The following ARL6IP5 variants were observed in gnomAD, a reference collection of about 807,000 sequenced individuals.
ARL6IP5 encodes the protein ARF like GTPase 6 interacting protein 5.
In ARL6IP5, 6 loss-of-function variants were observed where a neutral mutation model predicts 13.0. That is an observed-to-expected ratio of 0.46 (90% CI 0.25 to 0.91). The LOEUF (loss-of-function observed/expected upper bound fraction) is 0.91, where lower values mean the gene tolerates loss of function less well. Ranked by LOEUF, ARL6IP5 falls within the 40% of genes least tolerant of loss-of-function variation. ARL6IP5 has a pLI of 0.17. For synonymous variants in ARL6IP5, 91 were observed against 91.9 expected (o/e 0.99, Z 0.06); for missense variants, 208 against 248.8 (o/e 0.84, Z 1.10).
chr3:69,100,724 T>C (rs541227761), intron 1 of ARL6IP5, among the ~76,000 whole-genome samples: 1 of 150,378 alleles, frequency 6.6e-6, no homozygotes, highest in Non-Finnish European at 1.5e-5. Context: ...GAGGTTGCAG[T>C]GAGCCAAGAT....
intron 1 of ARL6IP5, among the ~76,000 whole-genome samples, chr3:69,086,291 T>C (rs1232505706): frequency 6.6e-6 from 1 of 152,250 alleles, no homozygotes; most frequent in Non-Finnish European, 1.5e-5. Context: ...TCTCTGTGCC[T>C]GGCCCCATGC....
At chr3:69,102,569 A>G (rs78227829) in intron 2 of ARL6IP5, among the ~76,000 whole-genome samples, 1 of 152,306 alleles carries the variant, frequency 6.6e-6, no homozygotes, top group African/African-American at 2.4e-5. Flanking sequence ...TGTGTGCCAT[A>G]CATTCTTATG....
chr3:69,096,481 T>G (rs11128111), intron 1 of ARL6IP5, among the ~76,000 whole-genome samples: 11 of 151,940 alleles, frequency 7.2e-5, no homozygotes, highest in African/African-American at 2.7e-4. Flanking sequence ...TAGGAGCCCT[T>G]TGATGCTTTG....
chr3:69,091,968 T>A (rs938780640), intron 1 of ARL6IP5, among the ~76,000 whole-genome samples: 1 of 152,148 alleles, frequency 6.6e-6, no homozygotes, highest in Non-Finnish European at 1.5e-5. Flanking sequence ...ATTCTATCCT[T>A]ATCACTCAGC....
intron 1 of ARL6IP5, among the ~76,000 whole-genome samples, chr3:69,098,221 T>C (rs1399628069): frequency 2.1e-5 from 3 of 144,096 alleles, no homozygotes; most frequent in Non-Finnish European, 4.5e-5. Flanking sequence ...GGACTACAGG[T>C]GCCTGCCACC....
Position 69,084,947 on chromosome 3 carries a change from C to T in ARL6IP5, c.-101C>T, listed in dbSNP as rs1435286653. ...TGCTGTCTGCCAACCGCAAAGCCGACCGAGACGGAGCCGCTGTCAACTCTC... is the reference window on the plus strand; with the variant it reads ...TGCTGTCTGCCAACCGCAAAGCCGATCGAGACGGAGCCGCTGTCAACTCTC... On this transcript the variant is annotated 5_prime_UTR_variant, in exon 1 of 3. Coordinates refer to ENST00000273258, the MANE Select transcript of ARL6IP5 (RefSeq NM_006407.4). 7 of 1,463,386 alleles carry T rather than the reference C, an allele frequency of 4.8e-6. No homozygotes were observed. The highest frequency in any genetic ancestry group is 6.4e-6 in the Non-Finnish European group (7 of 1,089,786). 90.7% of individuals were successfully genotyped at this position (1,463,386 alleles called of 1,614,324 possible). A position where few individuals can be genotyped will look rare whatever the true frequency, so the allele number is the denominator to read the frequency against.
chr3:69,092,954 G>A (rs2092273937), intron 1 of ARL6IP5, among the ~76,000 whole-genome samples: 1 of 152,032 alleles, frequency 6.6e-6, no homozygotes, highest in African/African-American at 2.4e-5. Flanking sequence ...AAGCAGTGAT[G>A]AGCATACATG....
chr3:69,089,770 G>T (rs553367443), intron 1 of ARL6IP5: 2 of 456,284 alleles, frequency 4.4e-6, no homozygotes, highest in East Asian at 7.0e-5. Flanking sequence ...CAAGAGAGCT[G>T]CATGTATTCT....
intron 1 of ARL6IP5, chr3:69,089,898 T>C (rs1317821030): frequency 2.2e-6 from 1 of 455,636 alleles, no homozygotes; most frequent in East Asian, 6.9e-5. Flanking sequence ...ATTTGGCCTA[T>C]GGAGATGTTG....
In ARL6IP5 at chr3:69,096,597, C is replaced by CTTTTTTT. The variant is rs11291168; in HGVS notation, c.177-5224_177-5218dup. On this transcript the variant is annotated intron_variant, in intron 1 of 2. Coordinates refer to ENST00000273258, the MANE Select transcript of ARL6IP5 (RefSeq NM_006407.4). ...TTGATTTGATCTTTGTTTTGCTTTG[C>CTTTTTTT]TTTTTTTTTTTTTTTTTTTTTTTTG... 2.4e-4 allele frequency among the ~76,000 whole-genome samples: 17 copies of CTTTTTTT among 69,556 alleles called. 1 individual carries two copies. Among genetic ancestry groups the CTTTTTTT allele is most frequent in the South Asian group, 1.3e-3 (2 of 1,486 alleles). The allele number at this position is 69,556 out of a possible 152,430, so 45.6% of individuals were successfully genotyped here. A position where few individuals can be genotyped will look rare whatever the true frequency, so the allele number is the denominator to read the frequency against.
intron 2 of ARL6IP5, among the ~76,000 whole-genome samples, chr3:69,104,104 T>G (rs941943083): frequency 6.6e-6 from 1 of 152,122 alleles, no homozygotes; most frequent in African/African-American, 2.4e-5. Flanking sequence ...AAGCCTCGGG[T>G]AAGTTGATTT....
intron 1 of ARL6IP5, among the ~76,000 whole-genome samples, chr3:69,097,752 A>G (rs371341451): frequency 6.6e-6 from 1 of 152,296 alleles, no homozygotes; most frequent in African/African-American, 2.4e-5. Flanking sequence ...GAGGGAGGGG[A>G]AGAGGGCAGA....
In ARL6IP5 at chr3:69,091,673, T is replaced by C. The variant is rs553504230; in HGVS notation, c.176+6450T>C. On this transcript the variant is annotated intron_variant, in intron 1 of 2. Transcript: ENST00000273258. ...GTCCAGCTTTTTTTTTTTTTTTTTT[T>C]TCAATGTTGCCTGCTACTTTTGGCC... Among the ~76,000 whole-genome samples, 12 of 150,110 alleles carry C rather than the reference T, an allele frequency of 8.0e-5. No individual in the cohort carries two copies. The South Asian group carries it at 1.7e-3, about 21-fold the overall frequency.
intron 1 of ARL6IP5, among the ~76,000 whole-genome samples, chr3:69,096,597 C>CTTTTTTTTTTT (rs11291168): frequency 1.4e-5 from 1 of 69,556 alleles, no homozygotes; most frequent in African/African-American, 6.0e-5. Flanking sequence ...TTTTGCTTTG[C>CTTTTTTTTTTT]TTTTTTTTTT....
At chr3:69,088,409 A>G (rs1416654651) in intron 1 of ARL6IP5, among the ~76,000 whole-genome samples, 2 of 152,170 alleles carry the variant, frequency 1.3e-5, no homozygotes, top group African/African-American at 4.8e-5. Context: ...CCTGCTGGTG[A>G]GGAGAGCCTC....
At position 69,092,979 on chromosome 3, in the gene ARL6IP5, A is replaced by G. The variant is rs1298305547; in HGVS notation, c.176+7756A>G. On this transcript the variant is annotated intron_variant, in intron 1 of 2. Coordinates refer to ENST00000273258, the MANE Select transcript of ARL6IP5 (RefSeq NM_006407.4). ...GAGCATACATGAAGATTCATTATAC[A>G]TTATTCTCTCTACCTATGTATATGT... Among the ~76,000 whole-genome samples, 3 of 152,174 alleles carry G rather than the reference A, an allele frequency of 2.0e-5. No individual in the cohort carries two copies. In the East Asian group the frequency reaches 5.8e-4, roughly 29 times the overall value.
chr3:69,092,494 CAG>C (rs760875942), intron 1 of ARL6IP5, among the ~76,000 whole-genome samples: 10 of 152,286 alleles, frequency 6.6e-5, no homozygotes, highest in African/African-American at 1.7e-4. Context: ...TTTGTTAAGA[CAG>C]AGTCTCTCTG....
intron 1 of ARL6IP5, among the ~76,000 whole-genome samples, chr3:69,101,316 CTTTT>C (rs549402201): frequency 1.8e-4 from 21 of 119,446 alleles, no homozygotes; most frequent in South Asian, 6.0e-4. Context: ...TCAGCTCCAC[CTTTT>C]TTTTTTTTTT....
At chr3:69,092,341 G>A (rs1219466703) in intron 1 of ARL6IP5, among the ~76,000 whole-genome samples, 4 of 152,204 alleles carry the variant, frequency 2.6e-5, no homozygotes, top group Non-Finnish European at 5.9e-5. Flanking sequence ...TTGGGGGTTA[G>A]TGAGGGGTAA....
Sources: gnomAD v4.1 joint callset for allele counts (sites outside exome capture counted in the v4.1 genomes callset) on GRCh38, gnomAD v4.1.1 for gene constraint, MANE v1.5 for transcripts, NCBI Gene and HGNC (gene_info 2026-07-23, HGNC 2026-07-21) for gene names.